The following GRIA1 variants were observed in gnomAD, a reference collection of about 807,000 sequenced individuals.
GRIA1 encodes glutamate receptor 1.
GRIA1 carries 31 observed loss-of-function variants against 99.2 expected under a neutral mutation model. The observed-to-expected ratio is 0.31, with a 90% CI of 0.23 to 0.42. The LOEUF (loss-of-function observed/expected upper bound fraction) is 0.42. Among genes scored for constraint, GRIA1 ranks in the 10% least tolerant of loss-of-function variants. The pLI, the probability that GRIA1 is intolerant of heterozygous loss-of-function variation, is 1.00. For missense variants in GRIA1, 782 were observed against 1,157.5 expected, an observed-to-expected ratio of 0.68 and a Z score of 4.71; for synonymous variants, 438 against 432.4, an observed-to-expected ratio of 1.01 and a Z score of -0.16.
At chr5:153,602,094 A>G (rs1005234118) in intron 2 of GRIA1, among the ~76,000 whole-genome samples, 4 of 152,136 alleles carry the variant, frequency 2.6e-5, no homozygotes, top group South Asian at 2.1e-4. Context: ...TGTTTATTGC[A>G]GCACTATTCA....
chr5:153,593,663 C>T (rs1202685720), intron 2 of GRIA1, among the ~76,000 whole-genome samples: 2 of 152,116 alleles, frequency 1.3e-5, no homozygotes, highest in Admixed American at 1.3e-4. Context: ...AGAATTCCTC[C>T]CAGTTACAAT....
intron 2 of GRIA1, among the ~76,000 whole-genome samples, chr5:153,580,293 C>T (rs1423262372): frequency 6.6e-6 from 1 of 152,172 alleles, no homozygotes; most frequent in Non-Finnish European, 1.5e-5. Context: ...GACCTCGAGC[C>T]TGACATGCCT....
In GRIA1 at chr5:153,515,762, T is replaced by A. The variant is rs533375034; in HGVS notation, c.220+21697T>A. ...ATTTGTCAATTAAAAACAAATTTTT[T>A]AAAAAGGCTATTTTTCTTGCTGAAT... On this transcript the variant is annotated intron_variant, in intron 2 of 15. Coordinates refer to ENST00000285900, the MANE Select transcript of GRIA1 (RefSeq NM_000827.4). 2.9e-4 allele frequency among the ~76,000 whole-genome samples: 44 copies of A among 152,334 alleles called. No individual in the cohort carries two copies. The South Asian group carries it at 8.5e-3, about 29-fold the overall frequency.
chr5:153,691,597 A>G (rs1757760870), intron 8 of GRIA1, among the ~76,000 whole-genome samples: 1 of 152,244 alleles, frequency 6.6e-6, no homozygotes, highest in Non-Finnish European at 1.5e-5. Flanking sequence ...TAAAGTCCCA[A>G]AGAATTTATA....
chr5:153,661,853 C>T (rs1213050422), intron 5 of GRIA1, among the ~76,000 whole-genome samples: 1 of 152,158 alleles, frequency 6.6e-6, no homozygotes, highest in African/African-American at 2.4e-5. Context: ...CCTTCTAACC[C>T]ACTTCATGTA....
chr5:153,690,641 T>G (rs1757676918), intron 8 of GRIA1, among the ~76,000 whole-genome samples: 1 of 152,216 alleles, frequency 6.6e-6, no homozygotes, highest in East Asian at 1.9e-4. Flanking sequence ...AGCATTGCAT[T>G]TGGGGGAGTC....
At chr5:153,589,358 A>G (rs895403444) in intron 2 of GRIA1, among the ~76,000 whole-genome samples, 2 of 152,216 alleles carry the variant, frequency 1.3e-5, no homozygotes, top group Non-Finnish European at 1.5e-5. Context: ...ATTAATTTAT[A>G]CATTTCAAAG....
chr5:153,801,256 G>A (rs1766005071), intron 14 of GRIA1, among the ~76,000 whole-genome samples: 1 of 150,358 alleles, frequency 6.7e-6, no homozygotes, highest in African/African-American at 2.5e-5. Context: ...GGAGGTGACA[G>A]AACTCAGGGA....
At chr5:153,498,935 T>C (rs1754700847) in intron 2 of GRIA1, among the ~76,000 whole-genome samples, 1 of 152,216 alleles carries the variant, frequency 6.6e-6, no homozygotes. Flanking sequence ...TACTCATACC[T>C]GATTTATATC....
intron 2 of GRIA1, among the ~76,000 whole-genome samples, chr5:153,634,102 G>A (rs1430596921): frequency 2.0e-5 from 3 of 152,044 alleles, no homozygotes; most frequent in African/African-American, 7.3e-5. Context: ...GGATCACAAG[G>A]TCAGGACATC....
intron 4 of GRIA1, among the ~76,000 whole-genome samples, chr5:153,651,365 C>T (rs1327962000): frequency 6.6e-6 from 1 of 152,182 alleles, no homozygotes; most frequent in East Asian, 1.9e-4. Flanking sequence ...GTAACTTCAA[C>T]AGTCTTGAGC....
intron 8 of GRIA1, among the ~76,000 whole-genome samples, chr5:153,690,966 A>G (rs1236637883): frequency 1.3e-5 from 2 of 152,164 alleles, no homozygotes; most frequent in East Asian, 3.9e-4. Flanking sequence ...ACATGGCCTT[A>G]CCTGATTGTG....
intron 14 of GRIA1, among the ~76,000 whole-genome samples, chr5:153,798,264 GC>G (rs1462552479): frequency 1.3e-5 from 2 of 152,180 alleles, no homozygotes; most frequent in Non-Finnish European, 2.9e-5. Context: ...CAACCACTCA[GC>G]CTTCACTCCC....
intron 15 of GRIA1, among the ~76,000 whole-genome samples, chr5:153,804,971 C>T (rs1401998186): frequency 6.6e-6 from 1 of 152,014 alleles, no homozygotes; most frequent in Admixed American, 6.5e-5. Context: ...GGGCTGGTCT[C>T]AAACTCCTGA....
chr5:153,544,714 G>C (rs193039550), intron 2 of GRIA1, among the ~76,000 whole-genome samples: 4 of 152,106 alleles, frequency 2.6e-5, no homozygotes, highest in African/African-American at 7.2e-5. Flanking sequence ...AAATGCCAAG[G>C]TCAGGGAAAA....
intron 2 of GRIA1, among the ~76,000 whole-genome samples, chr5:153,602,733 C>T (rs1410705558): frequency 6.6e-6 from 1 of 152,070 alleles, no homozygotes; most frequent in Non-Finnish European, 1.5e-5. Flanking sequence ...GGCTACAGTT[C>T]CCACATCTCT....
At chr5:153,495,216 T>C (rs768793342) in intron 2 of GRIA1, among the ~76,000 whole-genome samples, 1 of 152,244 alleles carries the variant, frequency 6.6e-6, no homozygotes, top group African/African-American at 2.4e-5. Flanking sequence ...AAATACTTTA[T>C]AGTCATTTAT....
chr5:153,744,634 G>T (rs971007151), intron 11 of GRIA1, among the ~76,000 whole-genome samples: 1 of 152,120 alleles, frequency 6.6e-6, no homozygotes, highest in Non-Finnish European at 1.5e-5. Flanking sequence ...GAATTATGAA[G>T]AAATATAAAA....
rs1314285523 is a variant in GRIA1, at chr5:153,761,973, C to T, written c.1824-2461C>T. On this transcript the variant is annotated intron_variant, in intron 11 of 15. Coordinates refer to ENST00000285900, the MANE Select transcript of GRIA1 (RefSeq NM_000827.4). ...ATGTGGAATCTAAAAAAATTGATCTCCTAGCAGTGCAGAGTAAAACAGTGG... is the reference window on the plus strand; with the variant it reads ...ATGTGGAATCTAAAAAAATTGATCTTCTAGCAGTGCAGAGTAAAACAGTGG... Among the ~76,000 whole-genome samples, 7 of 152,094 alleles carry T rather than the reference C, an allele frequency of 4.6e-5. No individual in the cohort carries two copies. In the East Asian group the frequency reaches 1.4e-3, roughly 29 times the overall value.
Sources: allele counts gnomAD v4.1 joint callset (sites outside exome capture counted in the v4.1 genomes callset), GRCh38; gene constraint gnomAD v4.1.1; transcripts MANE v1.5; gene names NCBI Gene and HGNC (gene_info 2026-07-23, HGNC 2026-07-21).